Variants in TFEC observed in about 807,000 individuals in gnomAD.
The protein encoded by TFEC is transcription factor EC.
TFEC carries 31 observed loss-of-function variants against 41.6 expected under a neutral mutation model. The ratio of observed to expected loss-of-function variants is 0.74; its 90% CI spans 0.56 to 1.01. TFEC has a LOEUF of 1.01. Ranked by LOEUF, TFEC falls within the 50% of genes least tolerant of loss-of-function variation. TFEC has a pLI of 0.00. For synonymous variants in TFEC, 143 were observed against 140.6 expected (o/e 1.02, Z -0.12); for missense variants, 402 against 404.1 (o/e 0.99, Z 0.04).
At chr7:116,072,581 A>C (rs1584481683) in intron 3 of TFEC, among the ~76,000 whole-genome samples, 1 of 151,704 alleles carries the variant, frequency 6.6e-6, no homozygotes, top group South Asian at 2.1e-4. Context: ...GGCTGGGACC[A>C]TTTTTCTTAA....
chr7:116,046,779 T>C (rs1381959618), intron 3 of TFEC, among the ~76,000 whole-genome samples: 1 of 152,180 alleles, frequency 6.6e-6, no homozygotes, highest in Non-Finnish European at 1.5e-5. Flanking sequence ...ATAATTAATG[T>C]CCACCCTTTT....
At chr7:116,077,479 T>A (rs1359671622) in intron 3 of TFEC, among the ~76,000 whole-genome samples, 4 of 152,106 alleles carry the variant, frequency 2.6e-5, no homozygotes, top group African/African-American at 9.7e-5. Context: ...AAATACAGAA[T>A]GGCTGAACGG....
At chr7:116,085,077 G>C (rs1219279385) in intron 3 of TFEC, among the ~76,000 whole-genome samples, 1 of 151,758 alleles carries the variant, frequency 6.6e-6, no homozygotes, top group South Asian at 2.1e-4. Flanking sequence ...GAATAAAAAG[G>C]AGCCAGTCAT....
intron 3 of TFEC, among the ~76,000 whole-genome samples, chr7:116,065,771 A>G (rs1410504583): frequency 6.6e-6 from 1 of 152,176 alleles, no homozygotes; most frequent in African/African-American, 2.4e-5. Flanking sequence ...TATCAAATAT[A>G]GACTTTTAAT....
chr7:116,007,144 CT>C (rs574226193), intron 1 of TFEC, among the ~76,000 whole-genome samples: 100 of 152,004 alleles, frequency 6.6e-4, no homozygotes, highest in African/African-American at 2.2e-3. Flanking sequence ...GTTTTTCTAT[CT>C]TTTTTTTAGA....
At chr7:116,013,735 G>GA (rs886167175) in intron 1 of TFEC, among the ~76,000 whole-genome samples, 1 of 151,926 alleles carries the variant, frequency 6.6e-6, no homozygotes, top group Non-Finnish European at 1.5e-5. Flanking sequence ...ATTACTAGGG[G>GA]AAAAAAATGT....
At chr7:116,146,674 A>G (rs1243277578) in intron 1 of TFEC, among the ~76,000 whole-genome samples, 1 of 152,210 alleles carries the variant, frequency 6.6e-6, no homozygotes, top group Non-Finnish European at 1.5e-5. Flanking sequence ...CCCATAGTTA[A>G]TGCTCTGAGA....
chr7:116,056,577 A>G (rs1361402843), intron 3 of TFEC, among the ~76,000 whole-genome samples: 1 of 152,120 alleles, frequency 6.6e-6, no homozygotes, highest in Non-Finnish European at 1.5e-5. Context: ...ATGGCATTGG[A>G]TAGAAAGCAC....
intron 3 of TFEC, among the ~76,000 whole-genome samples, chr7:116,108,276 A>T (rs756228969): frequency 2.6e-5 from 4 of 152,156 alleles, no homozygotes; most frequent in Non-Finnish European, 4.4e-5. Flanking sequence ...AAAAACTGTA[A>T]TATGAAAAAT....
chr7:116,009,707 C>A (rs576714439), intron 1 of TFEC, among the ~76,000 whole-genome samples: 1 of 152,018 alleles, frequency 6.6e-6, no homozygotes, highest in Non-Finnish European at 1.5e-5. Flanking sequence ...TCAGTTCTTG[C>A]TAGTAAATTC....
upstream of TFEC, among the ~76,000 whole-genome samples, chr7:116,033,217 A>G (rs1584428262): frequency 6.6e-6 from 1 of 152,200 alleles, no homozygotes; most frequent in East Asian, 1.9e-4. Context: ...TCTATGCCTG[A>G]AATTCTTCTC....
intron 1 of TFEC, among the ~76,000 whole-genome samples, chr7:116,029,385 T>C (rs1232446161): frequency 1.3e-5 from 2 of 152,172 alleles, no homozygotes; most frequent in East Asian, 3.8e-4. Flanking sequence ...CTCAGATTCA[T>C]CTAAAATAGA....
chr7:115,946,558 G>A (rs1312555846), intron 6 of TFEC, among the ~76,000 whole-genome samples: 2 of 150,624 alleles, frequency 1.3e-5, no homozygotes, highest in South Asian at 2.2e-4. Context: ...TTGGAGTACA[G>A]GTGCATGCTA....
At chr7:116,005,651 T>C (rs977045330) in intron 1 of TFEC, among the ~76,000 whole-genome samples, 1 of 152,168 alleles carries the variant, frequency 6.6e-6, no homozygotes, top group African/African-American at 2.4e-5. Flanking sequence ...GACAATGCAA[T>C]AGAAAAGTAA....
intron 3 of TFEC, among the ~76,000 whole-genome samples, chr7:116,065,620 A>G (rs1339918198): frequency 6.6e-6 from 1 of 152,158 alleles, no homozygotes; most frequent in African/African-American, 2.4e-5. Context: ...CAAACGAATC[A>G]GCAATACTTG....
intron 3 of TFEC, among the ~76,000 whole-genome samples, chr7:115,971,249 T>G (rs988246395): frequency 1.3e-5 from 2 of 152,010 alleles, no homozygotes; most frequent in African/African-American, 4.8e-5. Flanking sequence ...TCTCAGAGCT[T>G]TAACTGGAAC....
intron 1 of TFEC, among the ~76,000 whole-genome samples, chr7:116,008,029 A>G (rs1407159785): frequency 1.3e-5 from 2 of 152,204 alleles, no homozygotes; most frequent in Non-Finnish European, 2.9e-5. Context: ...GCTGTGACCT[A>G]TATGTCACCA....
intron 3 of TFEC, among the ~76,000 whole-genome samples, chr7:115,963,575 T>G (rs1023145076): frequency 1.3e-5 from 2 of 151,752 alleles, no homozygotes; most frequent in Non-Finnish European, 2.9e-5. Context: ...CATAATGGAA[T>G]AGGCTTAAAA....
intron 3 of TFEC, among the ~76,000 whole-genome samples, chr7:116,045,457 TG>T (rs1796141214): frequency 6.6e-6 from 1 of 152,220 alleles, no homozygotes; most frequent in Non-Finnish European, 1.5e-5. Context: ...CTCCAGGCTA[TG>T]GCTTCAGAGG....
Sources: gnomAD v4.1 joint callset for allele counts (sites outside exome capture counted in the v4.1 genomes callset) on GRCh38, gnomAD v4.1.1 for gene constraint, MANE v1.5 for transcripts, NCBI Gene and HGNC (gene_info 2026-07-23, HGNC 2026-07-21) for gene names.